The following RAB7A variants were observed in gnomAD, a reference collection of about 807,000 sequenced individuals.
The protein encoded by RAB7A is ras-related protein Rab-7a.
Under a neutral mutation model 24.5 loss-of-function variants are expected in RAB7A, and 2 were observed. The ratio of observed to expected loss-of-function variants is 0.08; its 90% confidence interval spans 0.03 to 0.26. The LOEUF is 0.26. RAB7A is among the 10% of genes least tolerant of loss of function. RAB7A has a pLI of 1.00. For missense variants in RAB7A, 118 were observed against 255.7 expected (o/e 0.46, Z 3.67); for synonymous variants, 100 against 95.9 (o/e 1.04, Z -0.25).
chr3:128,731,729 C>T (rs1417003810), intron 1 of RAB7A, among the ~76,000 whole-genome samples: 2 of 151,998 alleles, frequency 1.3e-5, no homozygotes, highest in Non-Finnish European at 2.9e-5. Context: ...ATCTTTCGGC[C>T]GGGGGCGATG....
At chr3:128,729,429 G>A (rs183720499) in intron 1 of RAB7A, among the ~76,000 whole-genome samples, 46 of 152,190 alleles carry the variant, frequency 3.0e-4, no homozygotes, top group Admixed American at 2.0e-3. Flanking sequence ...AATTAGCCGG[G>A]CGTGGTGGCG....
Position 128,811,733 on chromosome 3 carries a change from C to T in RAB7A, c.529-1594C>T, listed in dbSNP as rs1322078236. On this transcript the variant is annotated intron_variant, in intron 5 of 5. Coordinates refer to ENST00000265062, the MANE Select transcript of RAB7A (RefSeq NM_004637.6). ...GTGTGGTGGCATGAGCTTATAGTTCCAGCTACTTGGGAGGCTGAGACTGGA... is the reference window on the plus strand; with the variant it reads ...GTGTGGTGGCATGAGCTTATAGTTCTAGCTACTTGGGAGGCTGAGACTGGA... Among the ~76,000 whole-genome samples, 11 of 151,750 alleles carry T rather than the reference C, an allele frequency of 7.2e-5. 1 individual carries two copies. The highest frequency in any genetic ancestry group is 1.6e-4 in the Non-Finnish European group (11 of 67,970).
At chr3:128,792,608 A>G (rs961156297) in intron 1 of RAB7A, among the ~76,000 whole-genome samples, 2 of 150,638 alleles carry the variant, frequency 1.3e-5, no homozygotes, top group African/African-American at 2.4e-5. Context: ...GAGTTTCACT[A>G]TGTTGGCCAG....
chr3:128,794,518 G>A (rs1933526126), intron 1 of RAB7A, among the ~76,000 whole-genome samples: 1 of 152,210 alleles, frequency 6.6e-6, no homozygotes, highest in Admixed American at 6.5e-5. Flanking sequence ...CAAAAGGTAG[G>A]TGGTTAAAGA....
chr3:128,811,618 G>C (rs569483510), intron 5 of RAB7A, among the ~76,000 whole-genome samples: 26 of 152,358 alleles, frequency 1.7e-4, no homozygotes, highest in African/African-American at 5.3e-4. Context: ...GGGAGGCTGA[G>C]GCCGGAGGAT....
chr3:128,734,814 A>G (rs757035436), intron 1 of RAB7A, among the ~76,000 whole-genome samples: 29 of 152,208 alleles, frequency 1.9e-4, no homozygotes, highest in Non-Finnish European at 1.5e-5. Context: ...AGCTTTGTGT[A>G]TCCATTATAG....
chr3:128,744,962 C>T (rs1401543964), intron 1 of RAB7A, among the ~76,000 whole-genome samples: 1 of 151,436 alleles, frequency 6.6e-6, no homozygotes, highest in South Asian at 2.1e-4. Flanking sequence ...CAAGCTCTGC[C>T]TCCTGGGTTC....
Position 128,733,064 on chromosome 3 carries a change from A to C in RAB7A, c.-9+6705A>C, listed in dbSNP as rs191905977. Among the ~76,000 whole-genome samples the C allele has an allele frequency of 3.3e-5, 5 of 152,334 alleles. No homozygotes were observed. The East Asian group carries it at 9.6e-4, about 29-fold the overall frequency. On this transcript the variant is annotated intron_variant, in intron 1 of 5. Coordinates refer to ENST00000265062, the MANE Select transcript of RAB7A (RefSeq NM_004637.6). ...TGCCATGGTAACACTGGATAAGTAC[A>C]TTGTTGCCTGTATTTCCAAGTAATT... is the stretch of plus-strand genomic sequence containing the variant.
intron 1 of RAB7A, chr3:128,785,226 T>C (rs1203378863): frequency 6.6e-6 from 1 of 152,110 alleles, no homozygotes; most frequent in African/African-American, 2.4e-5. Flanking sequence ...ACAGGAGTTC[T>C]GGGTTTTAGG....
chr3:128,765,813 G>A (rs1381702985), intron 1 of RAB7A, among the ~76,000 whole-genome samples: 1 of 147,672 alleles, frequency 6.8e-6, no homozygotes, highest in Non-Finnish European at 1.5e-5. Flanking sequence ...CCAAGTTGGA[G>A]TACAATGGCT....
At chr3:128,729,192 CTT>C (rs1327540741) in intron 1 of RAB7A, among the ~76,000 whole-genome samples, 1 of 152,090 alleles carries the variant, frequency 6.6e-6, no homozygotes, top group Admixed American at 6.6e-5. Flanking sequence ...GAGAACAACT[CTT>C]TATAGTAAAG....
At position 128,813,825 on chromosome 3, in the gene RAB7A, T is replaced by C; in HGVS notation, c.*403T>C. ...GTTAATCTGTGTCTAATTATCTGAT[T>C]TTTTTTATTGGTCTTGTGGTCTTTT... On this transcript the variant is annotated 3_prime_UTR_variant, in exon 6 of 6. Transcript: ENST00000265062. 7.0e-6 allele frequency: 2 copies of C among 283,926 alleles called. No individual in the cohort carries two copies. The highest frequency in any genetic ancestry group is 7.0e-5 in the South Asian group (2 of 28,374). The allele number at this position is 283,926 out of a possible 1,614,324, so 17.6% of individuals were successfully genotyped here. A position where few individuals can be genotyped will look rare whatever the true frequency, so the allele number is the denominator to read the frequency against.
chr3:128,803,518 A>G (rs1004609168), intron 3 of RAB7A, among the ~76,000 whole-genome samples: 2 of 152,336 alleles, frequency 1.3e-5, no homozygotes, highest in African/African-American at 2.4e-5. Context: ...AGTGTTGAAC[A>G]TAGACATATG....
chr3:128,748,862 G>T (rs2070647417), intron 1 of RAB7A: 1 of 152,178 alleles, frequency 6.6e-6, no homozygotes, highest in African/African-American at 2.4e-5. Flanking sequence ...TTCCACAAAG[G>T]TCAGTCTGAC....
chr3:128,756,559 C>T (rs1223849404), intron 1 of RAB7A, among the ~76,000 whole-genome samples: 1 of 152,084 alleles, frequency 6.6e-6, no homozygotes, highest in Admixed American at 6.5e-5. Context: ...TAAAAACTTA[C>T]TATTGTTAGG....
chr3:128,731,960 G>C (rs905186480), intron 1 of RAB7A, among the ~76,000 whole-genome samples: 1 of 148,718 alleles, frequency 6.7e-6, no homozygotes. Flanking sequence ...AGCCGGGATC[G>C]TGCCATTGCA....
chr3:128,806,695 G>A, intron 4 of RAB7A, 105 bp downstream of exon 4: 2 of 1,170,440 alleles, frequency 1.7e-6, no homozygotes, highest in Non-Finnish European at 1.2e-6. Context: ...GGAGGTGCTG[G>A]TGGGAGTCTT....
intron 1 of RAB7A, among the ~76,000 whole-genome samples, chr3:128,766,747 C>T (rs2070835306): frequency 6.6e-6 from 1 of 152,098 alleles, no homozygotes; most frequent in East Asian, 1.9e-4. Context: ...ACCATGTTAA[C>T]CAGGCTGGTT....
At chr3:128,751,583 G>GT (rs1008715648) in intron 1 of RAB7A, among the ~76,000 whole-genome samples, 4 of 152,202 alleles carry the variant, frequency 2.6e-5, no homozygotes, top group Non-Finnish European at 5.9e-5. Flanking sequence ...TAGCTTAGAA[G>GT]TAACTAACTT....
Sources: allele counts gnomAD v4.1 joint callset (sites outside exome capture counted in the v4.1 genomes callset), GRCh38; gene constraint gnomAD v4.1.1; transcripts MANE v1.5; gene names NCBI Gene and HGNC (gene_info 2026-07-23, HGNC 2026-07-21).